Variants in RNMT observed in about 807,000 individuals in gnomAD.
RNMT encodes the protein RNA guanine-7 methyltransferase, also known as mRNA cap guanine-N(7) methyltransferase.
In RNMT, 27 loss-of-function variants were observed where a neutral mutation model predicts 56.0. The observed-to-expected ratio is 0.48, with a 90% CI of 0.36 to 0.67. The LOEUF (loss-of-function observed/expected upper bound fraction) is 0.67, where lower values mean the gene tolerates loss of function less well. Among genes scored for constraint, RNMT ranks in the 30% least tolerant of loss-of-function variants. The pLI is 0.00. For synonymous variants in RNMT, 184 were observed against 176.2 expected (o/e 1.04, Z -0.35); for missense variants, 519 against 552.1 (o/e 0.94, Z 0.60).
chr18:13,751,973 G>T (rs1164961059), intron 9 of RNMT, among the ~76,000 whole-genome samples: 1 of 152,082 alleles, frequency 6.6e-6, no homozygotes, highest in Admixed American at 6.6e-5. Context: ...CCTGTCATGG[G>T]GTGGGGGCCT....
At chr18:13,743,248 G>A (rs1261288753) in intron 8 of RNMT, among the ~76,000 whole-genome samples, 5 of 150,430 alleles carry the variant, frequency 3.3e-5, no homozygotes, top group South Asian at 2.1e-4. Flanking sequence ...GCATGAACCC[G>A]GGAGGCGGAG....
chr18:13,756,159 GGC>G (rs1209238980), intron 11 of RNMT, among the ~76,000 whole-genome samples: 1 of 152,138 alleles, frequency 6.6e-6, no homozygotes, highest in East Asian at 1.9e-4. Context: ...TCTAGAAGAT[GGC>G]TTTAAATGAG....
chr18:13,749,113 T>C (rs1360964796), intron 9 of RNMT, among the ~76,000 whole-genome samples: 2 of 152,116 alleles, frequency 1.3e-5, no homozygotes, highest in Non-Finnish European at 2.9e-5. Context: ...AATAACGATG[T>C]TTTACAGCTT....
intron 9 of RNMT, 125 bp downstream of exon 9, chr18:13,746,462 C>T (rs773030442): frequency 2.3e-5 from 16 of 684,484 alleles, no homozygotes; most frequent in Non-Finnish European, 4.0e-5. Flanking sequence ...GCACCTAGGA[C>T]GGAGCTTGAT....
At chr18:13,748,253 T>A (rs1176416110) in intron 9 of RNMT, among the ~76,000 whole-genome samples, 1 of 152,238 alleles carries the variant, frequency 6.6e-6, no homozygotes, top group Non-Finnish European at 1.5e-5. Context: ...TCTCTCCCAG[T>A]ACTGCACTTG....
chr18:13,762,057 T>G lies in RNMT; in HGVS notation c.*2078T>G. On this transcript the variant is annotated 3_prime_UTR_variant, in exon 12 of 12. Coordinates refer to ENST00000383314, the MANE Select transcript of RNMT (RefSeq NM_003799.3). ...TATTCAGGACTTACGGTAACTATTA[T>G]GAGGGAGGCATGGCTTTCCACCGTC... The G allele has an allele frequency of 1.3e-6, 2 of 1,536,110 alleles. No individual in the cohort carries two copies.
chr18:13,747,636 C>T (rs934192597), intron 9 of RNMT, among the ~76,000 whole-genome samples: 1 of 152,182 alleles, frequency 6.6e-6, no homozygotes, highest in Non-Finnish European at 1.5e-5. Flanking sequence ...CAGAAGTCTC[C>T]TGTTGAAGTT....
intron 8 of RNMT, among the ~76,000 whole-genome samples, chr18:13,743,322 CAAA>C (rs55940639): frequency 0.26 from 7,190 of 28,170 alleles, 446 homozygotes; most frequent in Middle Eastern, 0.39. Context: ...AACTCCGTCT[CAAA>C]AAAAAAATAA....
Position 13,762,975 on chromosome 18 carries a change from C to A in RNMT, c.*2996C>A. Reference sequence around the variant, plus strand: ...TGAAAAACTGACTTTCTGTTGTCTACCTCAGGCCTTGTGCATTTGGGTTAT... The same window carrying A: ...TGAAAAACTGACTTTCTGTTGTCTAACTCAGGCCTTGTGCATTTGGGTTAT... On this transcript the variant is annotated 3_prime_UTR_variant, in exon 12 of 12. Transcript: ENST00000383314. 2.4e-6 allele frequency: 1 copy of A among 422,136 alleles called. No homozygotes were observed. Among genetic ancestry groups the A allele is most frequent in the Non-Finnish European group, 4.8e-6 (1 of 209,606 alleles). The allele number at this position is 422,136 out of a possible 1,614,324, so 26.1% of individuals were successfully genotyped here. A position where few individuals can be genotyped will look rare whatever the true frequency, so the allele number is the denominator to read the frequency against.
rs1555794755 is a variant in RNMT at position 13,743,329 on chromosome 18, A to AAAAAT, written c.1139+680_1139+681insATAAA. ...CAGAGCGAAACTCCGTCTCAAAAAA[A>AAAAAT]AAATAAATAAATAAATAAATAAATA... On this transcript the variant is annotated intron_variant, in intron 8 of 11. Coordinates refer to ENST00000383314, the MANE Select transcript of RNMT (RefSeq NM_003799.3). Among the ~76,000 whole-genome samples the AAAAAT allele has an allele frequency of 1.6e-3, 52 of 31,836 alleles. 2 individuals carry two copies. The highest frequency in any genetic ancestry group is 5.4e-3 in the African/African-American group (49 of 9,022). The allele number at this position is 31,836 out of a possible 152,430, so 20.9% of individuals were successfully genotyped here. A position where few individuals can be genotyped will look rare whatever the true frequency, so the allele number is the denominator to read the frequency against.
At position 13,747,072 on chromosome 18, in the gene RNMT, C is replaced by A. The variant is rs373868430; in HGVS notation, c.1257+735C>A. 3.3e-5 allele frequency among the ~76,000 whole-genome samples: 5 copies of A among 152,234 alleles called. No homozygotes were observed. In the South Asian group the frequency reaches 1.0e-3, roughly 32 times the overall value. ...TTCAGTGAGCATTTTTATTATTGAT[C>A]AGTAGAATCATATTCATCAAATGGA... On this transcript the variant is annotated intron_variant, in intron 9 of 11. Transcript: ENST00000383314.
Position 13,728,409 on chromosome 18 carries a change from C to T in RNMT, c.-172+1680C>T, listed in dbSNP as rs543743402. Among the ~76,000 whole-genome samples the T allele has an allele frequency of 2.9e-3, 411 of 143,652 alleles. 2 individuals carry two copies. Among genetic ancestry groups the T allele is most frequent in the Non-Finnish European group, 3.7e-3 (251 of 67,110 alleles). 94.2% of individuals were successfully genotyped at this position (143,652 alleles called of 152,430 possible). ...GGAGTGCAGTGGCTTGATCTCAGCT[C>T]ACTGCAACCTCCACCTCCCGGGTTC... is the stretch of plus-strand genomic sequence containing the variant. On this transcript the variant is annotated intron_variant, in intron 1 of 11. Coordinates refer to ENST00000383314, the MANE Select transcript of RNMT (RefSeq NM_003799.3).
rs1464108646 is a variant in RNMT, at chr18:13,731,542, G to T, written c.25G>T (p.Glu9Ter). The stretch of plus-strand genomic sequence containing the variant: ...AATGGCAAATTCTGCAAAAGCAGAA[G>T]AATATGAAAAGATGTCTCTTGAACA... The part of the protein sequence containing the change: MANSAKAE[E>*]YEKMSLEQAK... The change falls in exon 3 of 12, where the codon GAA (glutamate) becomes TAA (stop). Residue 9 changes from glutamate to a stop codon, truncating the protein, a stop_gained. Transcript: ENST00000383314. LOFTEE classifies it high-confidence loss of function. 6.3e-7 allele frequency: 1 copy of T among 1,596,112 alleles called. No individual in the cohort carries two copies. Among genetic ancestry groups the T allele is most frequent in the Non-Finnish European group, 8.5e-7 (1 of 1,173,364 alleles).
At chr18:13,758,252 G>A (rs2044574750) in intron 11 of RNMT, among the ~76,000 whole-genome samples, 1 of 152,200 alleles carries the variant, frequency 6.6e-6, no homozygotes, top group South Asian at 2.1e-4. Context: ...CCTAACAGGA[G>A]AGTCGCCCTG....
chr18:13,739,807 G>A (rs73416653), intron 5 of RNMT, among the ~76,000 whole-genome samples: 2,171 of 152,028 alleles, frequency 0.014, 57 homozygotes, highest in African/African-American at 0.046. Flanking sequence ...AAAGAAAAGG[G>A]CTAATAACAT....
intron 11 of RNMT, 141 bp downstream of exon 11, chr18:13,754,288 C>G: frequency 5.5e-6 from 3 of 542,300 alleles, no homozygotes; most frequent in Admixed American, 7.1e-5. Context: ...AGACAGATTC[C>G]TCGAGCCCAG....
chr18:13,739,573 A>T (rs2044218729), intron 5 of RNMT, among the ~76,000 whole-genome samples: 3 of 152,230 alleles, frequency 2.0e-5, no homozygotes, highest in African/African-American at 7.2e-5. Flanking sequence ...ACTTGAGGCC[A>T]GAAGTTAGAG....
intron 10 of RNMT, among the ~76,000 whole-genome samples, chr18:13,752,907 T>C (rs536254975): frequency 6.6e-6 from 1 of 152,372 alleles, no homozygotes; most frequent in South Asian, 2.1e-4. Context: ...TTTGCTAATA[T>C]CTTAGAATAT....
chr18:13,731,300 G>T (rs773518007), intron 2 of RNMT, among the ~76,000 whole-genome samples, 176 bp from the exon 3 acceptor site: 25 of 152,066 alleles, frequency 1.6e-4, no homozygotes, highest in Admixed American at 1.3e-4. Flanking sequence ...CCCAGCTACT[G>T]GGGAGGCTGA....
Sources: gnomAD v4.1 joint callset for allele counts (sites outside exome capture counted in the v4.1 genomes callset) on GRCh38, gnomAD v4.1.1 for gene constraint, MANE v1.5 for transcripts, NCBI Gene and HGNC (gene_info 2026-07-23, HGNC 2026-07-21) for gene names.